NUP50: variants seen among roughly 807,000 people sequenced by gnomAD.
NUP50 encodes nuclear pore complex protein Nup50.
A neutral mutation model predicts 36.8 loss-of-function variants in NUP50; 14 were observed. The observed-to-expected ratio is 0.38, with a 90% confidence interval of 0.25 to 0.59. The LOEUF (loss-of-function observed/expected upper bound fraction) is 0.59. Ranked by LOEUF, NUP50 falls within the 20% of genes least tolerant of loss-of-function variation. The pLI is 0.63. For missense variants in NUP50, 455 were observed against 564.6 expected (o/e 0.81, Z 1.97); for synonymous variants, 195 against 210.8 (o/e 0.93, Z 0.65).
chr22:45,182,189 C>T (rs1345682980), intron 6 of NUP50, among the ~76,000 whole-genome samples: 2 of 151,928 alleles, frequency 1.3e-5, no homozygotes, highest in East Asian at 3.9e-4. Flanking sequence ...GCCTGTAATC[C>T]CAGCACTTTG....
chr22:45,177,975 A>G, intron 4 of NUP50: 1 of 405,626 alleles, frequency 2.5e-6, no homozygotes, highest in Non-Finnish European at 4.5e-6. Context: ...AAAATACAAA[A>G]ATTAGCCGGG....
At position 45,185,445 on chromosome 22, in the gene NUP50, A is replaced by G. The variant is rs2074454530; in HGVS notation, c.*790A>G. ...TGGTAGCTTATCATCTACACCATGG[A>G]GAGTGAACCCTTACGAAATGAAAGT... On this transcript the variant is annotated 3_prime_UTR_variant, in exon 8 of 8. Coordinates refer to ENST00000347635, the MANE Select transcript of NUP50 (RefSeq NM_007172.4). 1 of 152,394 alleles carries G rather than the reference A, an allele frequency of 6.6e-6. No homozygotes were observed. The highest frequency in any genetic ancestry group is 2.1e-4 in the South Asian group (1 of 4,824). 9.4% of individuals were successfully genotyped at this position (152,394 alleles called of 1,614,324 possible).
chr22:45,175,707 A>G (rs375207011), intron 3 of NUP50, 187 bp from the exon 4 acceptor site: 173 of 513,456 alleles, frequency 3.4e-4, no homozygotes, highest in Middle Eastern at 5.1e-4. Flanking sequence ...TTGGGTTGCA[A>G]AGCTGTTCTT....
chr22:45,175,672 T>G, intron 3 of NUP50: 1 of 454,516 alleles, frequency 2.2e-6, no homozygotes, highest in East Asian at 3.6e-5. Flanking sequence ...TAAATGTCCT[T>G]CCTGCCTGTT....
At chr22:45,165,397 G>A (rs139967742) in intron 1 of NUP50, among the ~76,000 whole-genome samples, 191 of 152,208 alleles carry the variant, frequency 1.3e-3, no homozygotes, top group Non-Finnish European at 2.3e-3. Context: ...CACTACGCTC[G>A]GCTAATTTTT....
At position 45,178,338 on chromosome 22, in the gene NUP50, C is replaced by T. The variant is rs1394518202; in HGVS notation, c.441C>T (p.Ser147=). Residue 147 remains serine, a synonymous_variant, in exon 5 of 8, where the codon TCC becomes TCT. Coordinates refer to ENST00000347635, the MANE Select transcript of NUP50 (RefSeq NM_007172.4). ...SQQPSSSGLA[S]SKACVGNAYH... ...AGCCCTCCTCCTCTGGCCTTGCTTCCAGTAAAGCTTGTGTCGGAAATGCCT... is the reference window on the plus strand; with the variant it reads ...AGCCCTCCTCCTCTGGCCTTGCTTCTAGTAAAGCTTGTGTCGGAAATGCCT... 2.5e-6 allele frequency: 4 copies of T among 1,613,982 alleles called. No homozygotes were observed. The highest frequency in any genetic ancestry group is 3.4e-6 in the Non-Finnish European group (4 of 1,179,864).
intron 1 of NUP50, among the ~76,000 whole-genome samples, chr22:45,167,546 A>G (rs563484193): frequency 6.6e-6 from 1 of 152,218 alleles, no homozygotes; most frequent in Non-Finnish European, 1.5e-5. Flanking sequence ...TTCCCAGAAT[A>G]CTAACACACC....
intron 1 of NUP50, among the ~76,000 whole-genome samples, chr22:45,167,901 G>A (rs764999504): frequency 2.6e-5 from 4 of 152,072 alleles, no homozygotes; most frequent in Non-Finnish European, 4.4e-5. Context: ...TTTTCCAAAT[G>A]GAGTCGGTTT....
At chr22:45,166,504 CT>C (rs1378394203) in intron 1 of NUP50, 2 of 151,852 alleles carry the variant, frequency 1.3e-5, no homozygotes, top group Non-Finnish European at 2.9e-5. Context: ...CCAGGCTGGT[CT>C]CAAACTCCTG....
At chr22:45,178,026 T>A in intron 4 of NUP50, 1 of 531,840 alleles carries the variant, frequency 1.9e-6, no homozygotes, top group Non-Finnish European at 3.3e-6. Flanking sequence ...CTCGGGAGGT[T>A]GAGGCAGGAG....
At chr22:45,170,973 A>G in intron 2 of NUP50, 1 of 1,303,654 alleles carries the variant, frequency 7.7e-7, no homozygotes, top group East Asian at 5.6e-5. Flanking sequence ...GAAATATTTT[A>G]TTCCGACCCT....
chr22:45,167,413 C>T lies in NUP50; in HGVS notation c.-10-755C>T, dbSNP rs116776142. 6.2e-3 allele frequency among the ~76,000 whole-genome samples: 948 copies of T among 152,294 alleles called. 16 individuals carry two copies. The highest frequency in any genetic ancestry group is 0.022 in the African/African-American group (896 of 41,558). Reference sequence around the variant, plus strand: ...AAATTTTAAGGGATGGACAGGAGCACCCTCTTTGGTTAGGTGCCGGAATCC... The same window carrying T: ...AAATTTTAAGGGATGGACAGGAGCATCCTCTTTGGTTAGGTGCCGGAATCC... On this transcript the variant is annotated intron_variant, in intron 1 of 7. Transcript: ENST00000347635.
At chr22:45,180,355 G>A (rs1293521638) in intron 5 of NUP50, 3 of 152,068 alleles carry the variant, frequency 2.0e-5, no homozygotes, top group Non-Finnish European at 4.4e-5. Flanking sequence ...CTCTTTAAGA[G>A]GATCCTTTTA....
chr22:45,183,556 T>C, intron 7 of NUP50, 36 bp downstream of exon 7: 1 of 1,262,078 alleles, frequency 7.9e-7, no homozygotes, highest in South Asian at 1.2e-5. Flanking sequence ...AAAATCATCA[T>C]CACATAGTAT....
chr22:45,176,510 G>A lies in NUP50; in HGVS notation c.340+430G>A, dbSNP rs760235225. 7.9e-5 allele frequency among the ~76,000 whole-genome samples: 12 copies of A among 152,130 alleles called. No homozygotes were observed. The South Asian group carries it at 1.2e-3, about 16-fold the overall frequency. ...TCTCCGTGGCCAGGGTGCCTCCCAC[G>A]CTAGGTTTGTTTGGGTATGGGATGT... is the stretch of plus-strand genomic sequence containing the variant. On this transcript the variant is annotated intron_variant, in intron 4 of 7. Transcript: ENST00000347635.
At chr22:45,172,873 G>A (rs368294906) in intron 3 of NUP50, among the ~76,000 whole-genome samples, 17 of 152,100 alleles carry the variant, frequency 1.1e-4, no homozygotes, top group African/African-American at 4.1e-4. Context: ...TAAAGTATTC[G>A]CAATTTTCCT....
intron 5 of NUP50, among the ~76,000 whole-genome samples, chr22:45,179,605 C>T (rs2074334093): frequency 6.6e-6 from 1 of 152,198 alleles, no homozygotes. Flanking sequence ...GAAAGTGAGG[C>T]CAGGTGAGGT....
chr22:45,168,881 C>A (rs962929651), intron 2 of NUP50, among the ~76,000 whole-genome samples: 1 of 148,778 alleles, frequency 6.7e-6, no homozygotes, highest in East Asian at 2.0e-4. Context: ...AGAGAGATCC[C>A]GGTCTCTATA....
chr22:45,183,113 C>T (rs1309136666), intron 6 of NUP50, among the ~76,000 whole-genome samples: 1 of 149,024 alleles, frequency 6.7e-6, no homozygotes, highest in Non-Finnish European at 1.5e-5. Context: ...GGTGTTGAGC[C>T]CTGATTTTGA....
Sources: allele counts gnomAD v4.1 joint callset (sites outside exome capture counted in the v4.1 genomes callset), GRCh38; gene constraint gnomAD v4.1.1; transcripts MANE v1.5; gene names NCBI Gene and HGNC (gene_info 2026-07-23, HGNC 2026-07-21).